The following RASSF3 variants were observed in gnomAD, a reference collection of about 807,000 sequenced individuals.
RASSF3 encodes the protein Ras association domain family member 3.
Under a neutral mutation model 19.9 loss-of-function variants are expected in RASSF3, and 19 were observed. The ratio of observed to expected loss-of-function variants is 0.96; its 90% CI spans 0.67 to 1.40. The LOEUF (loss-of-function observed/expected upper bound fraction) is 1.40. RASSF3 is among the 40% of genes most tolerant of loss of function. The pLI, the probability that RASSF3 is intolerant of heterozygous loss-of-function variation, is 0.00. For synonymous variants in RASSF3, 110 were observed against 104.2 expected (o/e 1.06, Z -0.34); for missense variants, 306 against 289.8 (o/e 1.06, Z -0.41).
intron 1 of RASSF3, among the ~76,000 whole-genome samples, chr12:64,655,949 C>T (rs1225472694): frequency 1.3e-5 from 2 of 150,974 alleles, no homozygotes; most frequent in African/African-American, 4.9e-5. Flanking sequence ...ATTGCTTAAA[C>T]CCAGGAGATG....
chr12:64,602,237 G>T (rs190047152), intron 2 of RASSF3, among the ~76,000 whole-genome samples: 1 of 151,642 alleles, frequency 6.6e-6, no homozygotes, highest in East Asian at 1.9e-4. Flanking sequence ...AGGAGTTTGA[G>T]ACTAGCCTGG....
At chr12:64,531,809 G>C (rs775395333), upstream of RASSF3, among the ~76,000 whole-genome samples, 2 of 152,192 alleles carry the variant, frequency 1.3e-5, no homozygotes, top group Non-Finnish European at 2.9e-5. Flanking sequence ...TTGTTTTAGA[G>C]ATGTGAAAAG....
intron 1 of RASSF3, among the ~76,000 whole-genome samples, chr12:64,665,937 T>C (rs1357724314): frequency 4.6e-5 from 7 of 152,224 alleles, no homozygotes; most frequent in East Asian, 1.9e-4. Context: ...CAGCCAGATA[T>C]AGTGAAGTGT....
At chr12:64,573,992 A>G (rs981209024) in intron 2 of RASSF3, among the ~76,000 whole-genome samples, 1 of 152,086 alleles carries the variant, frequency 6.6e-6, no homozygotes, top group Non-Finnish European at 1.5e-5. Flanking sequence ...GAAAAATATG[A>G]TCACCTCAAT....
intron 2 of RASSF3, among the ~76,000 whole-genome samples, chr12:64,594,011 CAAAAAAAA>C (rs34463362): frequency 4.4e-5 from 2 of 45,976 alleles, no homozygotes; most frequent in East Asian, 6.9e-4. Context: ...GACTCTGTCT[CAAAAAAAA>C]AAAAAAAAAA....
At chr12:64,622,552 G>A (rs1371697031) in intron 1 of RASSF3, 2 of 518,404 alleles carry the variant, frequency 3.9e-6, no homozygotes, top group Non-Finnish European at 7.8e-6. Context: ...TGCGGTTTTT[G>A]CCATTACTTT....
rs147494723 is a variant in RASSF3 at position 64,577,668 on chromosome 12, G to A, written c.294+35963G>A. On this transcript the variant is annotated intron_variant, in intron 2 of 5. Transcript: ENST00000637125. ...AATCTCTTGAACCCAGGAGGCAGGG[G>A]TGGCAGCGAGCCAAGATCACGGCAC... Among the ~76,000 whole-genome samples the A allele has an allele frequency of 4.1e-4, 62 of 152,260 alleles. No individual in the cohort carries two copies. The East Asian group carries it at 0.011, about 27-fold the overall frequency.
chr12:64,604,701 G>A (rs1354104043), intron 2 of RASSF3, among the ~76,000 whole-genome samples: 2 of 150,416 alleles, frequency 1.3e-5, no homozygotes, highest in Admixed American at 6.6e-5. Flanking sequence ...GCAGTGGCGC[G>A]ATCTCGGCTC....
intron 2 of RASSF3, among the ~76,000 whole-genome samples, chr12:64,581,325 G>T (rs1869692600): frequency 6.6e-6 from 1 of 152,306 alleles, no homozygotes; most frequent in African/African-American, 2.4e-5. Context: ...TCTACACGTA[G>T]CTTATAAGGG....
chr12:64,688,049 G>A (rs899074269), intron 2 of RASSF3, among the ~76,000 whole-genome samples, 167 bp from the exon 3 acceptor site: 6 of 152,146 alleles, frequency 3.9e-5, no homozygotes, highest in African/African-American at 1.4e-4. Flanking sequence ...TGTGTTAACC[G>A]CCCTCTGAGG....
chr12:64,555,657 G>A (rs371934356), intron 2 of RASSF3, among the ~76,000 whole-genome samples: 1 of 152,010 alleles, frequency 6.6e-6, no homozygotes, highest in South Asian at 2.1e-4. Flanking sequence ...GCTGAGGCAG[G>A]AGAATGGTGT....
chr12:64,568,320 A>G (rs1432270380), intron 2 of RASSF3, among the ~76,000 whole-genome samples: 7 of 152,238 alleles, frequency 4.6e-5, no homozygotes, highest in Admixed American at 1.3e-4. Context: ...GGCGTGAGCC[A>G]TCATGCCTGG....
intron 1 of RASSF3, among the ~76,000 whole-genome samples, chr12:64,514,959 C>A (rs936149889): frequency 6.6e-6 from 1 of 151,774 alleles, no homozygotes; most frequent in Non-Finnish European, 1.5e-5. Flanking sequence ...TTCTTTATCT[C>A]TAATTCTTTC....
At chr12:64,514,612 C>A (rs1370298191) in intron 1 of RASSF3, among the ~76,000 whole-genome samples, 2 of 152,178 alleles carry the variant, frequency 1.3e-5, no homozygotes, top group African/African-American at 2.4e-5. Flanking sequence ...AGAAATCACA[C>A]AAAATTCGTA....
At chr12:64,587,523 A>G (rs1379932023) in intron 2 of RASSF3, among the ~76,000 whole-genome samples, 2 of 152,200 alleles carry the variant, frequency 1.3e-5, no homozygotes, top group Admixed American at 6.5e-5. Context: ...TTCCAAGTGG[A>G]ATGTAAAATA....
intron 2 of RASSF3, among the ~76,000 whole-genome samples, chr12:64,554,257 A>G (rs562647895): frequency 6.6e-6 from 1 of 152,304 alleles, no homozygotes; most frequent in Admixed American, 6.5e-5. Flanking sequence ...TGGAGGGATT[A>G]ATCCTGACAA....
chr12:64,517,621 C>T (rs1868390278), intron 1 of RASSF3, among the ~76,000 whole-genome samples: 1 of 143,954 alleles, frequency 6.9e-6, no homozygotes, highest in Non-Finnish European at 1.5e-5. Flanking sequence ...TACACACACA[C>T]TTTTTTTTTT....
At chr12:64,588,138 A>T (rs950479085) in intron 2 of RASSF3, among the ~76,000 whole-genome samples, 6 of 152,044 alleles carry the variant, frequency 3.9e-5, no homozygotes, top group Admixed American at 2.0e-4. Flanking sequence ...GTGCAGTGGC[A>T]CCATCTCAGC....
rs568884752 is a variant in RASSF3, at chr12:64,655,670, T to C, written c.112-29117T>C. On this transcript the variant is annotated intron_variant, in intron 1 of 4. Coordinates refer to ENST00000542104, the MANE Select transcript of RASSF3 (RefSeq NM_178169.4). ...TTTAAATTGTTTTAATTGTATAAGA[T>C]AAAAACCAAAACAAACAAAAAAAAT... Among the ~76,000 whole-genome samples the C allele has an allele frequency of 2.0e-5, 3 of 151,996 alleles. No individual in the cohort carries two copies. The South Asian group carries it at 6.2e-4, about 32-fold the overall frequency.
Sources: gnomAD v4.1 joint callset for allele counts (sites outside exome capture counted in the v4.1 genomes callset) on GRCh38, gnomAD v4.1.1 for gene constraint, MANE v1.5 for transcripts, NCBI Gene and HGNC (gene_info 2026-07-23, HGNC 2026-07-21) for gene names.